The following MYO9B variants were observed in gnomAD, a reference collection of about 807,000 sequenced individuals.
MYO9B encodes myosin IXB.
Under a neutral mutation model 229.5 loss-of-function variants are expected in MYO9B, and 71 were observed. The ratio of observed to expected loss-of-function variants is 0.31; its 90% CI spans 0.26 to 0.38. The LOEUF (loss-of-function observed/expected upper bound fraction) is 0.38. Among genes scored for constraint, MYO9B ranks in the 10% least tolerant of loss-of-function variants. The pLI is 1.00. For synonymous variants in MYO9B, 1,185 were observed against 1,235.8 expected (o/e 0.96, Z 0.86); for missense variants, 2,255 against 2,920.5 (o/e 0.77, Z 5.25).
chr19:17,144,003 A>G (rs912277302), intron 2 of MYO9B, among the ~76,000 whole-genome samples: 16 of 152,116 alleles, frequency 1.1e-4, no homozygotes, highest in Non-Finnish European at 1.5e-5. Flanking sequence ...TGTACAGCAA[A>G]TCCCTGTGAT....
chr19:17,107,318 G>T (rs962828738), intron 2 of MYO9B, among the ~76,000 whole-genome samples: 2 of 152,186 alleles, frequency 1.3e-5, no homozygotes, highest in Admixed American at 1.3e-4. Flanking sequence ...TGCCAAATGG[G>T]ACTAGGCAGG....
intron 2 of MYO9B, among the ~76,000 whole-genome samples, chr19:17,112,541 C>A (rs1478475394): frequency 1.3e-5 from 2 of 152,042 alleles, no homozygotes; most frequent in African/African-American, 4.8e-5. Context: ...ACCCCAGCCG[C>A]GGGGATGTGC....
chr19:17,086,051 C>G (rs983712105), intron 1 of MYO9B, among the ~76,000 whole-genome samples: 2 of 152,178 alleles, frequency 1.3e-5, no homozygotes, highest in Admixed American at 1.3e-4. Context: ...TCAGCTCCCG[C>G]CAAGGCACCC....
At chr19:17,134,381 G>GTTTTTTTTTTTTTTTTTT (rs869297825) in intron 2 of MYO9B, among the ~76,000 whole-genome samples, 1 of 46,472 alleles carries the variant, frequency 2.2e-5, no homozygotes, top group African/African-American at 8.9e-5. Flanking sequence ...CGTTTTGTTT[G>GTTTTTTTTTTTTTTTTTT]TTTTTTTTTT....
chr19:17,187,292 G>A (rs1156305334), intron 18 of MYO9B, among the ~76,000 whole-genome samples: 1 of 152,168 alleles, frequency 6.6e-6, no homozygotes, highest in Non-Finnish European at 1.5e-5. Flanking sequence ...CTCCCATGGG[G>A]TGCTGGGCTT....
At position 17,211,578 on chromosome 19, in the gene MYO9B, G is replaced by T. The variant is rs1421783769; in HGVS notation, c.5931-69G>T. ...GTTACATCTAGGAGCAGGACAGCCTGCTCTGTTCCACACTGGCCCAGCACT... is the reference window on the plus strand; with the variant it reads ...GTTACATCTAGGAGCAGGACAGCCTTCTCTGTTCCACACTGGCCCAGCACT... On this transcript the variant is annotated intron_variant, in intron 38 of 39. Transcript: ENST00000682292. 3 of 1,425,014 alleles carry T rather than the reference G, an allele frequency of 2.1e-6. No homozygotes were observed. In the African/African-American group the frequency reaches 4.3e-5, roughly 20 times the overall value. The allele number at this position is 1,425,014 out of a possible 1,614,324, so 88.3% of individuals were successfully genotyped here.
chr19:17,184,020 T>C (rs1402668252), intron 16 of MYO9B, 152 bp downstream of exon 16: 1 of 776,714 alleles, frequency 1.3e-6, no homozygotes, highest in Non-Finnish European at 2.0e-6. Flanking sequence ...CGTGTTGAGA[T>C]GATTTAGAGC....
chr19:17,212,775 C>G lies in MYO9B; in HGVS notation c.*465C>G, dbSNP rs922534967. On this transcript the variant is annotated 3_prime_UTR_variant, in exon 40 of 40. Transcript: ENST00000682292. The surrounding 1 kb of genome is among the most constrained non-coding windows in gnomAD (Gnocchi z 5.4). ...GCCACTGCGCGTCTGAGGCTCAGAC[C>G]CTGCTGTGGTTGGCTTGGGGTGGCC... is the stretch of plus-strand genomic sequence containing the variant. 1 of 155,338 alleles carries G rather than the reference C, an allele frequency of 6.4e-6. No homozygotes were observed. The highest frequency in any genetic ancestry group is 3.3e-3 in the Middle Eastern group (1 of 304). The allele number at this position is 155,338 out of a possible 1,614,324, so 9.6% of individuals were successfully genotyped here.
intron 2 of MYO9B, among the ~76,000 whole-genome samples, chr19:17,119,043 G>A (rs1398960845): frequency 6.6e-6 from 1 of 152,182 alleles, no homozygotes; most frequent in East Asian, 1.9e-4. Flanking sequence ...CAGGAGTTCA[G>A]AGGAATGGCC....
intron 1 of MYO9B, among the ~76,000 whole-genome samples, chr19:17,081,473 C>T (rs1318927176): frequency 1.3e-5 from 2 of 152,122 alleles, no homozygotes; most frequent in Non-Finnish European, 2.9e-5. Flanking sequence ...TGGACGCTCC[C>T]TGTTTTCCAG....
chr19:17,184,858 G>T lies in MYO9B; in HGVS notation c.2374-7G>T. On this transcript the variant is annotated splice_polypyrimidine_tract_variant and splice_region_variant and intron_variant, in intron 16 of 39. Coordinates refer to ENST00000682292, the MANE Select transcript of MYO9B (RefSeq NM_004145.4). ...AGGGCAGGCCGGACCCCATGTGTCT[G>T]TCCTAGAACCTACTGGACTCCAAGT... 2 of 1,613,668 alleles carry T rather than the reference G, an allele frequency of 1.2e-6. No homozygotes were observed. Among genetic ancestry groups the T allele is most frequent in the East Asian group, 4.5e-5 (2 of 44,864 alleles).
At chr19:17,100,704 T>C (rs1407755862) in intron 1 of MYO9B, among the ~76,000 whole-genome samples, 1 of 152,134 alleles carries the variant, frequency 6.6e-6, no homozygotes, top group African/African-American at 2.4e-5. Flanking sequence ...CCAGCCATAT[T>C]CCTGCAGGAT....
At chr19:17,115,613 C>T (rs1258329792) in intron 2 of MYO9B, among the ~76,000 whole-genome samples, 3 of 151,718 alleles carry the variant, frequency 2.0e-5, no homozygotes, top group Admixed American at 6.6e-5. Flanking sequence ...GTATTACAGG[C>T]GCCCACCACA....
intron 1 of MYO9B, among the ~76,000 whole-genome samples, chr19:17,077,657 C>T (rs1231501194): frequency 6.6e-6 from 1 of 152,124 alleles, no homozygotes; most frequent in African/African-American, 2.4e-5. Context: ...ATGAATTGAC[C>T]TCCATCAGCG....
intron 2 of MYO9B, among the ~76,000 whole-genome samples, chr19:17,141,727 G>A (rs2072342574): frequency 6.6e-6 from 1 of 152,186 alleles, no homozygotes; most frequent in Non-Finnish European, 1.5e-5. Context: ...GGCACCCCAG[G>A]AATCTGGACA....
chr19:17,087,930 CAA>C (rs60243402), intron 1 of MYO9B, among the ~76,000 whole-genome samples: 1 of 99,596 alleles, frequency 1.0e-5, no homozygotes. Context: ...AACTCCGTCT[CAA>C]AAAAAAAAAA....
At chr19:17,110,470 C>T (rs2057837192) in intron 2 of MYO9B, among the ~76,000 whole-genome samples, 1 of 152,182 alleles carries the variant, frequency 6.6e-6, no homozygotes, top group South Asian at 2.1e-4. Flanking sequence ...GAACACGCTC[C>T]TCTCCCTTTG....
chr19:17,131,253 T>C (rs1182310493), intron 2 of MYO9B, among the ~76,000 whole-genome samples: 1 of 152,208 alleles, frequency 6.6e-6, no homozygotes. Flanking sequence ...ATCCTGCCCA[T>C]GTGTTAATGA....
At chr19:17,175,768 C>G (rs1414129410) in intron 14 of MYO9B, 27 bp downstream of exon 14, 8 of 1,525,424 alleles carry the variant, frequency 5.2e-6, no homozygotes, top group Non-Finnish European at 7.1e-6. Context: ...TTTGCCCAAA[C>G]TGAAATCATT....
Sources: gnomAD v4.1 joint callset for allele counts (sites outside exome capture counted in the v4.1 genomes callset) on GRCh38, gnomAD v4.1.1 for gene constraint, Gnocchi (gnomAD v3.1) non-coding constraint, MANE v1.5 for transcripts, NCBI Gene and HGNC (gene_info 2026-07-23, HGNC 2026-07-21) for gene names.